Variants in SPOCK3 observed in about 807,000 individuals in gnomAD.
The protein encoded by SPOCK3 is testican-3.
SPOCK3 carries 30 observed loss-of-function variants against 56.6 expected under a neutral mutation model. The ratio of observed to expected loss-of-function variants is 0.53; its 90% CI spans 0.40 to 0.72. The LOEUF is 0.72. Ranked by LOEUF, SPOCK3 falls within the 30% of genes least tolerant of loss-of-function variation. The pLI, the probability that SPOCK3 is intolerant of heterozygous loss-of-function variation, is 0.00. For synonymous variants in SPOCK3, 196 were observed against 183.3 expected, an observed-to-expected ratio of 1.07 and a Z score of -0.56; for missense variants, 527 against 530.0, an observed-to-expected ratio of 0.99 and a Z score of 0.06.
chr4:167,234,080 G>A lies in SPOCK3; in HGVS notation c.94C>T (p.Arg32Trp). Residue 32 changes from arginine to tryptophan, a missense_variant, in exon 2 of 11, where the codon CGG (arginine) becomes TGG (tryptophan). Transcript: ENST00000357545. ...TCCAGAAAATTACCGCCGTCCGACC[G>A]CCCCCCGGCTGCAGCCACCGCCGCG... ...AAAAVAAAGG[R>W]SDGGNFLDDK... The A allele has an allele frequency of 1.2e-6, 2 of 1,613,474 alleles. No homozygotes were observed. The highest frequency in any genetic ancestry group is 2.2e-5 in the East Asian group (1 of 44,810).
intron 6 of SPOCK3, among the ~76,000 whole-genome samples, chr4:166,803,246 C>A (rs909059050): frequency 6.6e-6 from 1 of 152,066 alleles, no homozygotes; most frequent in Admixed American, 6.6e-5. Context: ...ATTTCTATAG[C>A]CATTAAAGAA....
intron 2 of SPOCK3, among the ~76,000 whole-genome samples, chr4:167,086,721 TCTG>T (rs1309673643): frequency 6.6e-6 from 1 of 152,140 alleles, no homozygotes; most frequent in Non-Finnish European, 1.5e-5. Context: ...ACTTTCTACT[TCTG>T]CTATATTATA....
intron 2 of SPOCK3, among the ~76,000 whole-genome samples, chr4:167,216,101 T>G (rs532960318): frequency 4.6e-5 from 7 of 152,160 alleles, no homozygotes; most frequent in Non-Finnish European, 1.0e-4. Flanking sequence ...TTCAGACTTC[T>G]TCTGATGAAC....
At position 166,762,334 on chromosome 4, in the gene SPOCK3, T is replaced by C. The variant is rs78453461; in HGVS notation, c.710-7605A>G. ...ATTCTAATTACCAGAAGTTGCCAAA[T>C]GCCCAGGGATTACATGAATAAAGCA... On this transcript the variant is annotated intron_variant, in intron 7 of 10. Transcript: ENST00000357545. 1.9e-3 allele frequency among the ~76,000 whole-genome samples: 284 copies of C among 152,238 alleles called. 4 individuals carry two copies. Among genetic ancestry groups the C allele is most frequent in the African/African-American group, 6.4e-3 (267 of 41,564 alleles).
In SPOCK3 at chr4:166,734,950, C is replaced by T; in HGVS notation, c.1273G>A (p.Gly425Ser). The change falls in exon 11 of 11, where the codon GGT becomes AGT. Residue 425 changes from glycine to serine, a missense_variant. Physicochemically the swap from Gly to Ser is moderately conservative, Grantham distance 56. Transcript: ENST00000357545. ...ATGTATACATCATGGTCATCACCAC[C>T]ATCATCATCATCCCCTTCATCTTCA... ...DDEDEGDDDD[G>S]GDDHDVYI 1 of 1,522,774 alleles carries T rather than the reference C, an allele frequency of 6.6e-7. No individual in the cohort carries two copies. Among genetic ancestry groups the T allele is most frequent in the South Asian group, 1.1e-5 (1 of 87,492 alleles). 94.3% of individuals were successfully genotyped at this position (1,522,774 alleles called of 1,614,324 possible).
intron 2 of SPOCK3, among the ~76,000 whole-genome samples, chr4:167,221,459 A>T (rs896872869): frequency 1.1e-4 from 16 of 152,286 alleles, no homozygotes; most frequent in African/African-American, 3.6e-4. Flanking sequence ...GTTAATTTTA[A>T]AAAAACATGG....
At chr4:166,738,096 G>T (rs1734404633) in intron 9 of SPOCK3, among the ~76,000 whole-genome samples, 1 of 151,974 alleles carries the variant, frequency 6.6e-6, no homozygotes. Flanking sequence ...ATGCTGTTTT[G>T]TCTCTTTACA....
intron 2 of SPOCK3, among the ~76,000 whole-genome samples, chr4:167,105,669 T>C (rs1334476376): frequency 2.0e-5 from 3 of 151,328 alleles, no homozygotes; most frequent in African/African-American, 7.3e-5. Context: ...GACTAAATTA[T>C]CCAATTAAAA....
chr4:167,109,464 A>G (rs1760685363), intron 2 of SPOCK3, among the ~76,000 whole-genome samples: 1 of 106,778 alleles, frequency 9.4e-6, no homozygotes, highest in South Asian at 2.6e-4. Context: ...ATACATATAT[A>G]GTTATAATAT....
chr4:166,821,716 G>T (rs1744953873), intron 6 of SPOCK3, among the ~76,000 whole-genome samples: 2 of 152,164 alleles, frequency 1.3e-5, no homozygotes, highest in South Asian at 4.1e-4. Context: ...GAGCCAGAAA[G>T]TAGATTAGTG....
rs375805492 is a variant in SPOCK3, at chr4:166,872,643, AG to A, written c.589+16486del. Among the ~76,000 whole-genome samples, 866 of 152,336 alleles carry A rather than the reference AG, an allele frequency of 5.7e-3. 11 individuals are homozygous for A. Among genetic ancestry groups the A allele is most frequent in the African/African-American group, 0.019 (790 of 41,578 alleles). On this transcript the variant is annotated intron_variant, in intron 6 of 10. Transcript: ENST00000357545. ...TAGAAATGAGCTATCAAGCCATGAA[AG>A]GACATCAAAGAAACTTAAATAAACA...
At chr4:166,806,365 A>C (rs1180339630) in intron 6 of SPOCK3, among the ~76,000 whole-genome samples, 1 of 152,048 alleles carries the variant, frequency 6.6e-6, no homozygotes, top group Admixed American at 6.6e-5. Flanking sequence ...TAAGTGAATA[A>C]TTTTGTTTTA....
intron 4 of SPOCK3, among the ~76,000 whole-genome samples, chr4:166,976,232 A>G (rs1267901718): frequency 1.3e-5 from 2 of 152,152 alleles, no homozygotes; most frequent in South Asian, 2.1e-4. Context: ...TTTTGGAGGC[A>G]TCATTGACTT....
intron 3 of SPOCK3, among the ~76,000 whole-genome samples, chr4:167,006,694 T>A (rs2150137548): frequency 6.6e-6 from 1 of 152,294 alleles, no homozygotes; most frequent in South Asian, 2.1e-4. Flanking sequence ...AATACAGACT[T>A]TTTGGGGAAA....
chr4:167,101,310 T>A (rs1759621618), intron 2 of SPOCK3, among the ~76,000 whole-genome samples: 1 of 152,108 alleles, frequency 6.6e-6, no homozygotes, highest in Admixed American at 6.6e-5. Flanking sequence ...TCACTAACTT[T>A]CTCCCTAATT....
intron 2 of SPOCK3, among the ~76,000 whole-genome samples, chr4:167,186,919 G>C (rs1732024985): frequency 6.7e-6 from 1 of 148,652 alleles, no homozygotes; most frequent in Non-Finnish European, 1.5e-5. Context: ...AGAGGCTGCA[G>C]TGAGCCGAGA....
intron 7 of SPOCK3, among the ~76,000 whole-genome samples, chr4:166,780,692 G>T (rs1414254185): frequency 6.6e-6 from 1 of 152,062 alleles, no homozygotes; most frequent in East Asian, 1.9e-4. Context: ...CACTAAGGGG[G>T]CAATAGGATT....
At chr4:167,005,448 C>T (rs796132303) in intron 3 of SPOCK3, among the ~76,000 whole-genome samples, 42 of 152,000 alleles carry the variant, frequency 2.8e-4, no homozygotes, top group African/African-American at 8.2e-4. Context: ...CCCCTGACCT[C>T]GTGATCCGCC....
intron 2 of SPOCK3, among the ~76,000 whole-genome samples, chr4:167,140,745 T>C (rs1303009044): frequency 1.3e-5 from 2 of 151,846 alleles, no homozygotes; most frequent in Admixed American, 6.6e-5. Flanking sequence ...TCCCCCAGAG[T>C]TCAGAAAAAC....
Sources: gnomAD v4.1 joint callset for allele counts (sites outside exome capture counted in the v4.1 genomes callset) on GRCh38, gnomAD v4.1.1 for gene constraint, MANE v1.5 for transcripts, NCBI Gene and HGNC (gene_info 2026-07-23, HGNC 2026-07-21) for gene names.